TRIM71: variants seen among roughly 807,000 people sequenced by gnomAD.
TRIM71 encodes E3 ubiquitin-protein ligase TRIM71.
In TRIM71, 9 loss-of-function variants were observed where a neutral mutation model predicts 61.2. That is an observed-to-expected ratio of 0.15 (90% CI 0.09 to 0.26). The LOEUF is 0.26. Among genes scored for constraint, TRIM71 ranks in the 10% least tolerant of loss-of-function variants. The pLI, the probability that TRIM71 is intolerant of heterozygous loss-of-function variation, is 1.00. For synonymous variants in TRIM71, 645 were observed against 553.2 expected (o/e 1.17, Z -2.33); for missense variants, 998 against 1,238.7 (o/e 0.81, Z 2.92).
At chr3:32,852,218 G>T (rs1448920263) in intron 1 of TRIM71, among the ~76,000 whole-genome samples, 1 of 152,124 alleles carries the variant, frequency 6.6e-6, no homozygotes, top group Non-Finnish European at 1.5e-5. Flanking sequence ...ACAGTGTCAC[G>T]GCCTAAACTG....
At chr3:32,824,433 T>A (rs1020335591) in intron 1 of TRIM71, among the ~76,000 whole-genome samples, 25 of 151,390 alleles carry the variant, frequency 1.7e-4, no homozygotes, top group Non-Finnish European at 2.7e-4. Flanking sequence ...CCTCAGGTGA[T>A]CCACCTGCCT....
At chr3:32,863,169 T>C (rs1397196363) in intron 1 of TRIM71, among the ~76,000 whole-genome samples, 12 of 150,950 alleles carry the variant, frequency 7.9e-5, no homozygotes, top group Admixed American at 7.9e-4. Flanking sequence ...CCCCTCACTT[T>C]TGGGAGGGAG....
rs564639089 is a variant in TRIM71 at position 32,896,232 on chromosome 3, A to C, written c.*4421A>C. The C allele has an allele frequency of 6.6e-6, 1 of 152,300 alleles. No homozygotes were observed. The highest frequency in any genetic ancestry group is 6.5e-5 in the Admixed American group (1 of 15,298). The allele number at this position is 152,300 out of a possible 1,614,324, so 9.4% of individuals were successfully genotyped here. ...ATAATACCCTTTAGGAGCAATTCTA[A>C]AGGTCTAGATCTTGGAAACATCAAA... On this transcript the variant is annotated 3_prime_UTR_variant, in exon 4 of 4. Transcript: ENST00000383763.
intron 1 of TRIM71, among the ~76,000 whole-genome samples, chr3:32,842,109 A>T (rs1696413626): frequency 6.6e-6 from 1 of 152,240 alleles, no homozygotes; most frequent in Admixed American, 6.5e-5. Flanking sequence ...GAGAAGAGAA[A>T]GGAAACTCTC....
At position 32,893,546 on chromosome 3, in the gene TRIM71, TCAAA is replaced by T. The variant is rs974079563; in HGVS notation, c.*1741_*1744del. On this transcript the variant is annotated 3_prime_UTR_variant, in exon 4 of 4. Transcript: ENST00000383763. The stretch of plus-strand genomic sequence containing the variant: ...CCCTCCTCAGGGAAAAGAGGGACTC[TCAAA>T]CAAACGTCAGTGACTTACAAGGGAG... 1.1e-4 allele frequency: 16 copies of T among 152,208 alleles called. No homozygotes were observed. Among genetic ancestry groups the T allele is most frequent in the Admixed American group, 6.5e-4 (10 of 15,290 alleles). 9.4% of individuals were successfully genotyped at this position (152,208 alleles called of 1,614,324 possible).
intron 1 of TRIM71, among the ~76,000 whole-genome samples, chr3:32,869,106 G>A (rs972428019): frequency 6.6e-6 from 1 of 152,150 alleles, no homozygotes; most frequent in Non-Finnish European, 1.5e-5. Flanking sequence ...GTTGTCCCAC[G>A]TGAGAACCTG....
At chr3:32,829,140 T>G (rs1575341365) in intron 1 of TRIM71, among the ~76,000 whole-genome samples, 2 of 151,482 alleles carry the variant, frequency 1.3e-5, no homozygotes. Context: ...AGTACAGGAG[T>G]GCACCGCCAT....
chr3:32,896,621 C>A lies in TRIM71; in HGVS notation c.*4810C>A, dbSNP rs1211655350. 1 of 152,120 alleles carries A rather than the reference C, an allele frequency of 6.6e-6. No homozygotes were observed. The highest frequency in any genetic ancestry group is 2.4e-5 in the African/African-American group (1 of 41,400). 9.4% of individuals were successfully genotyped at this position (152,120 alleles called of 1,614,324 possible). On this transcript the variant is annotated 3_prime_UTR_variant, in exon 4 of 4. Transcript: ENST00000383763. ...TTATAAATGTCATGGTGAAGAAATACCTCAATGATGTCTATTTTTAAAACT... is the reference window on the plus strand; with the variant it reads ...TTATAAATGTCATGGTGAAGAAATAACTCAATGATGTCTATTTTTAAAACT...
At chr3:32,872,724 A>C (rs1168362886) in intron 1 of TRIM71, among the ~76,000 whole-genome samples, 1 of 152,184 alleles carries the variant, frequency 6.6e-6, no homozygotes, top group Admixed American at 6.5e-5. Context: ...TAGAAGGCTC[A>C]TGCTGGCTTC....
At chr3:32,853,755 C>T (rs555093060) in intron 1 of TRIM71, among the ~76,000 whole-genome samples, 1 of 152,148 alleles carries the variant, frequency 6.6e-6, no homozygotes, top group African/African-American at 2.4e-5. Flanking sequence ...GCCTGTGATC[C>T]CAGCACTTTG....
chr3:32,891,317 G>A lies in TRIM71; in HGVS notation c.2113G>A (p.Asp705Asn). The change falls in exon 4 of 4, where the codon GAT becomes AAT. Residue 705 changes from aspartate to asparagine, a missense_variant. Asp to Asn is a conservative substitution (Grantham distance 23). Coordinates refer to ENST00000383763, the MANE Select transcript of TRIM71 (RefSeq NM_001039111.3). This position sits in a 1 kb window ranked among gnomAD's most constrained non-coding sequence, Gnocchi z 8.2. Reference sequence around the variant, plus strand: ...GAATGGGCAGTTCAACTACCCTTGGGATGTGGCGGTGAATTCTGAGGGCAA... The same window carrying A: ...GAATGGGCAGTTCAACTACCCTTGGAATGTGGCGGTGAATTCTGAGGGCAA... ...TKNGQFNYPW[D>N]VAVNSEGKIL... 1 of 1,614,122 alleles carries A rather than the reference G, an allele frequency of 6.2e-7. No homozygotes were observed. The highest frequency in any genetic ancestry group is 8.5e-7 in the Non-Finnish European group (1 of 1,180,022).
At chr3:32,865,807 C>G (rs1206964734) in intron 1 of TRIM71, among the ~76,000 whole-genome samples, 1 of 54,990 alleles carries the variant, frequency 1.8e-5, no homozygotes, top group African/African-American at 6.6e-5. Context: ...CCCCCCCCCC[C>G]GCCCCACCTT....
chr3:32,863,605 A>G (rs545912859), intron 1 of TRIM71, among the ~76,000 whole-genome samples: 12 of 152,188 alleles, frequency 7.9e-5, no homozygotes, highest in African/African-American at 1.2e-4. Flanking sequence ...GTTATGCAAT[A>G]TATTCTCTTG....
At chr3:32,884,909 C>A (rs1057356555) in intron 2 of TRIM71, among the ~76,000 whole-genome samples, 3 of 152,116 alleles carry the variant, frequency 2.0e-5, no homozygotes. Context: ...CTACCTTTAC[C>A]AAGGTTGGAG....
chr3:32,875,761 C>T (rs1287637132), intron 2 of TRIM71, among the ~76,000 whole-genome samples: 2 of 151,926 alleles, frequency 1.3e-5, no homozygotes, highest in Non-Finnish European at 2.9e-5. Context: ...ACTTGAGCCC[C>T]AAAGGTGGAG....
chr3:32,850,495 A>G (rs1249971407), intron 1 of TRIM71, among the ~76,000 whole-genome samples: 1 of 152,208 alleles, frequency 6.6e-6, no homozygotes, highest in East Asian at 1.9e-4. Context: ...TCCTCCATTA[A>G]TGATCAGCAT....
chr3:32,869,691 C>T (rs558313556), intron 1 of TRIM71, among the ~76,000 whole-genome samples: 2 of 152,220 alleles, frequency 1.3e-5, no homozygotes, highest in African/African-American at 2.4e-5. Context: ...CCTAGTCTCC[C>T]GCCCGTTCCT....
intron 1 of TRIM71, among the ~76,000 whole-genome samples, chr3:32,833,771 A>G (rs1033266740): frequency 2.0e-5 from 3 of 152,002 alleles, no homozygotes; most frequent in Non-Finnish European, 4.4e-5. Flanking sequence ...TGCCCTGTTT[A>G]TAAGTGAAGA....
At chr3:32,872,601 G>T (rs918407775) in intron 1 of TRIM71, among the ~76,000 whole-genome samples, 1 of 152,194 alleles carries the variant, frequency 6.6e-6, no homozygotes, top group Admixed American at 6.5e-5. Flanking sequence ...CTTCTATTCA[G>T]TCTGCGCAGA....
Sources: gnomAD v4.1 joint callset for allele counts (sites outside exome capture counted in the v4.1 genomes callset) on GRCh38, gnomAD v4.1.1 for gene constraint, Gnocchi (gnomAD v3.1) non-coding constraint, MANE v1.5 for transcripts, NCBI Gene and HGNC (gene_info 2026-07-23, HGNC 2026-07-21) for gene names.